Variants in PCDHA1 observed in about 807,000 individuals in gnomAD.
The protein encoded by PCDHA1 is protocadherin alpha 1.
A neutral mutation model predicts 61.3 loss-of-function variants in PCDHA1; 42 were observed. The observed-to-expected ratio is 0.69, with a 90% CI of 0.54 to 0.89. The LOEUF (loss-of-function observed/expected upper bound fraction) is 0.89. Among genes scored for constraint, PCDHA1 ranks in the 40% least tolerant of loss-of-function variants. PCDHA1 has a pLI of 0.00. For missense variants in PCDHA1, 1,256 were observed against 1,235.3 expected (o/e 1.02, Z -0.25); for synonymous variants, 610 against 553.8 (o/e 1.10, Z -1.43).
intron 1 of PCDHA1, among the ~76,000 whole-genome samples, chr5:140,897,136 A>G (rs1206983852): frequency 6.6e-6 from 1 of 152,096 alleles, no homozygotes; most frequent in Admixed American, 6.5e-5. Context: ...TAAACTTTCT[A>G]GCCTTTGTTA....
rs138966220 is a variant in PCDHA1, at chr5:140,786,182, G to A, written c.-109G>A. On this transcript the variant is annotated 5_prime_UTR_variant, in exon 1 of 4. Coordinates refer to ENST00000504120, the MANE Select transcript of PCDHA1 (RefSeq NM_018900.4). The stretch of plus-strand genomic sequence containing the variant: ...AAGGAGGAAGCTCCATTTTGTCACC[G>A]CCTGAGAGAAGACAGAAACGGTAAA... 16 of 1,404,596 alleles carry A rather than the reference G, an allele frequency of 1.1e-5. No individual in the cohort carries two copies. Among genetic ancestry groups the A allele is most frequent in the Admixed American group, 4.6e-5 (2 of 43,686 alleles). 87.0% of individuals were successfully genotyped at this position (1,404,596 alleles called of 1,614,324 possible).
At chr5:140,796,673 C>T (rs1762120901) in intron 1 of PCDHA1, 1 of 1,613,784 alleles carries the variant, frequency 6.2e-7, no homozygotes, top group African/African-American at 1.3e-5. Flanking sequence ...GCGCCTAGGG[C>T]TGGCACCGCT....
intron 1 of PCDHA1, among the ~76,000 whole-genome samples, chr5:140,972,015 G>A (rs782728118): frequency 2.6e-5 from 4 of 152,004 alleles, no homozygotes; most frequent in Admixed American, 6.5e-5. Context: ...CCTTTTATAT[G>A]GGATATTCAG....
rs191954731 is a variant in PCDHA1 at position 140,913,936 on chromosome 5, A to G, written c.2395-65013A>G. Among the ~76,000 whole-genome samples the G allele has an allele frequency of 7.5e-3, 1,149 of 152,268 alleles. 4 individuals are homozygous for G. Among genetic ancestry groups the G allele is most frequent in the Admixed American group, 0.013 (194 of 15,286 alleles). ...AATTTTACTTCATTGTGGTCAGAGA[A>G]GAATCTTGATATGATATCATTTTTA... On this transcript the variant is annotated intron_variant, in intron 1 of 3. Transcript: ENST00000504120.
At chr5:140,852,575 C>CT (rs1395261617) in intron 1 of PCDHA1, 11 of 798,920 alleles carry the variant, frequency 1.4e-5, no homozygotes, top group Non-Finnish European at 1.7e-5. Context: ...TGTGCCAAGG[C>CT]TTTTTTATTT....
At chr5:140,968,668 G>A (rs1365342675) in intron 1 of PCDHA1, 3 of 1,614,038 alleles carry the variant, frequency 1.9e-6, no homozygotes, top group African/African-American at 1.3e-5. Flanking sequence ...ACCTCTTTAA[G>A]GTAGAGCTGC....
intron 1 of PCDHA1, chr5:140,966,824 A>T: frequency 1.3e-6 from 2 of 1,559,992 alleles, no homozygotes; most frequent in Non-Finnish European, 1.7e-6. Flanking sequence ...CCGGCGGCCC[A>T]TGCCCTGGCT....
chr5:140,949,040 A>G (rs1419524123), intron 1 of PCDHA1, among the ~76,000 whole-genome samples: 1 of 151,758 alleles, frequency 6.6e-6, no homozygotes, highest in Non-Finnish European at 1.5e-5. Flanking sequence ...ATTTAAAAGT[A>G]TGTTCTAATT....
intron 1 of PCDHA1, chr5:140,877,509 G>A (rs781824762): frequency 5.6e-6 from 9 of 1,613,700 alleles, no homozygotes; most frequent in Non-Finnish European, 7.6e-6. Context: ...CAAAGACGTC[G>A]TCGCGGGCCT....
intron 1 of PCDHA1, chr5:140,928,708 T>C: frequency 1.2e-6 from 2 of 1,614,208 alleles, no homozygotes; most frequent in Non-Finnish European, 1.7e-6. Context: ...GGCGTCTGAC[T>C]CTAGTCTCTT....
intron 1 of PCDHA1, among the ~76,000 whole-genome samples, chr5:140,953,652 G>A (rs2094921965): frequency 6.6e-6 from 1 of 152,102 alleles, no homozygotes; most frequent in South Asian, 2.1e-4. Context: ...AGCTATAGTT[G>A]TTATCTCTGG....
At chr5:140,823,386 C>T in intron 1 of PCDHA1, 1 of 1,612,766 alleles carries the variant, frequency 6.2e-7, no homozygotes, top group Non-Finnish European at 8.5e-7. Context: ...TGAGCGCGCG[C>T]GACGCGGGCG....
chr5:141,000,136 G>A (rs2097893947), intron 3 of PCDHA1, among the ~76,000 whole-genome samples: 2 of 152,034 alleles, frequency 1.3e-5, no homozygotes, highest in South Asian at 4.1e-4. Flanking sequence ...TTCACAAGAA[G>A]TAAACAAAAC....
intron 1 of PCDHA1, among the ~76,000 whole-genome samples, chr5:140,954,516 G>C (rs782233597): frequency 3.3e-5 from 5 of 152,172 alleles, no homozygotes; most frequent in Admixed American, 6.5e-5. Flanking sequence ...TTTACCTAAT[G>C]ATCAGTGATG....
rs1554117556 is a variant in PCDHA1, at chr5:140,786,817, A to G, written c.527A>G (p.Asp176Gly). ...CTAACGTACACGCTCAGCCCGAGTGATTATTTCTCTTTGGATGTAGAGGCA... is the reference window on the plus strand; with the variant it reads ...CTAACGTACACGCTCAGCCCGAGTGGTTATTTCTCTTTGGATGTAGAGGCA... ...ALLTYTLSPS[D>G]YFSLDVEASD... Residue 176 changes from aspartate (D) to glycine (G), a missense_variant, in exon 1 of 4, where the codon GAT becomes GGT. By Grantham distance (94) the Asp-to-Gly change is moderately conservative. Transcript: ENST00000504120. 3.7e-6 allele frequency: 6 copies of G among 1,614,204 alleles called. No homozygotes were observed. The highest frequency in any genetic ancestry group is 5.1e-6 in the Non-Finnish European group (6 of 1,180,028).
rs1382247797 is a variant in PCDHA1 at position 141,012,282 on chromosome 5, C to T, written c.*2345C>T. 2.6e-5 allele frequency: 4 copies of T among 153,718 alleles called. No individual in the cohort carries two copies. Among genetic ancestry groups the T allele is most frequent in the Non-Finnish European group, 4.4e-5 (3 of 68,036 alleles). 9.5% of individuals were successfully genotyped at this position (153,718 alleles called of 1,614,324 possible). Reference sequence around the variant, plus strand: ...AAGGATAAAACACGTCATGTGGATTCATTTTGAATTGGTGCTATTGGTATT... The same window carrying T: ...AAGGATAAAACACGTCATGTGGATTTATTTTGAATTGGTGCTATTGGTATT... On this transcript the variant is annotated 3_prime_UTR_variant, in exon 4 of 4. Coordinates refer to ENST00000504120, the MANE Select transcript of PCDHA1 (RefSeq NM_018900.4).
rs1554138767 is a variant in PCDHA1, at chr5:140,842,067, T to C, written c.2394+53383T>C. On this transcript the variant is annotated intron_variant, in intron 1 of 3. Coordinates refer to ENST00000504120, the MANE Select transcript of PCDHA1 (RefSeq NM_018900.4). ...ACTTTCGAACAGTCTGAATACGAAG[T>C]AAGAATATTCGAAAACGCAGACAAC... 5.6e-6 allele frequency: 9 copies of C among 1,613,874 alleles called. No individual in the cohort carries two copies. The South Asian group carries it at 9.9e-5, about 18-fold the overall frequency.
chr5:141,003,406 G>A (rs2098122557), intron 3 of PCDHA1, among the ~76,000 whole-genome samples: 1 of 152,134 alleles, frequency 6.6e-6, no homozygotes, highest in African/African-American at 2.4e-5. Flanking sequence ...CCGCCTCCCG[G>A]GTTCGAGTGA....
intron 1 of PCDHA1, among the ~76,000 whole-genome samples, chr5:140,872,762 G>A (rs545441914): frequency 6.6e-6 from 1 of 152,066 alleles, no homozygotes; most frequent in African/African-American, 2.4e-5. Flanking sequence ...ATGCATATAG[G>A]GCTATATTAT....
Sources: gnomAD v4.1 joint callset for allele counts (sites outside exome capture counted in the v4.1 genomes callset) on GRCh38, gnomAD v4.1.1 for gene constraint, MANE v1.5 for transcripts, NCBI Gene and HGNC (gene_info 2026-07-23, HGNC 2026-07-21) for gene names.